PKN2: variants seen among roughly 807,000 people sequenced by gnomAD.
PKN2 encodes the protein protein kinase N2.
Under a neutral mutation model 119.1 loss-of-function variants are expected in PKN2, and 38 were observed. The observed-to-expected ratio is 0.32, with a 90% CI of 0.25 to 0.42. The LOEUF (loss-of-function observed/expected upper bound fraction) is 0.42, where lower values mean the gene tolerates loss of function less well. PKN2 is among the 10% of genes least tolerant of loss of function. The pLI is 1.00. For synonymous variants in PKN2, 390 were observed against 384.9 expected (o/e 1.01, Z -0.15); for missense variants, 850 against 1,165.1 (o/e 0.73, Z 3.94).
chr1:88,692,121 G>C (rs970443705), intron 1 of PKN2, among the ~76,000 whole-genome samples: 1 of 151,580 alleles, frequency 6.6e-6, no homozygotes, highest in Non-Finnish European at 1.5e-5. Flanking sequence ...TTTTGAACTT[G>C]ATTTTTCACC....
At chr1:88,713,761 A>G (rs991579576) in intron 1 of PKN2, among the ~76,000 whole-genome samples, 6 of 152,074 alleles carry the variant, frequency 3.9e-5, no homozygotes, top group African/African-American at 1.2e-4. Context: ...TTCTTTTGCT[A>G]TGCAGAAGCT....
chr1:88,750,665 A>G (rs951600817), intron 2 of PKN2, among the ~76,000 whole-genome samples: 1 of 152,042 alleles, frequency 6.6e-6, no homozygotes, highest in African/African-American at 2.4e-5. Flanking sequence ...GCCTCTTATC[A>G]TGTCTAAAAT....
intron 8 of PKN2, among the ~76,000 whole-genome samples, chr1:88,795,501 CAT>C (rs1278120963): frequency 1.3e-5 from 2 of 152,148 alleles, no homozygotes; most frequent in African/African-American, 4.8e-5. Flanking sequence ...CTCACCCTCC[CAT>C]ATGTTAAACT....
At chr1:88,751,377 T>TACACACACACACACAC (rs34210018) in intron 2 of PKN2, among the ~76,000 whole-genome samples, 1 of 146,580 alleles carries the variant, frequency 6.8e-6, no homozygotes, top group Non-Finnish European at 1.5e-5. Context: ...TATTTACACA[T>TACACACACACACACAC]ACACACACAC....
chr1:88,833,324 G>A lies in PKN2; in HGVS notation c.2831G>A (p.Ser944Asn). The A allele has an allele frequency of 1.2e-6, 2 of 1,613,440 alleles. No homozygotes were observed. The highest frequency in any genetic ancestry group is 1.7e-6 in the Non-Finnish European group (2 of 1,179,478). The change falls in exon 22 of 22, where the codon AGT (serine) becomes AAT (asparagine). Residue 944 changes from serine (S) to asparagine (N), a missense_variant. Ser to Asn is a conservative substitution (Grantham distance 46). Coordinates refer to ENST00000370521, the MANE Select transcript of PKN2 (RefSeq NM_006256.4). ...IPTIRGREDV[S>N]NFDDEFTSEA... The stretch of plus-strand genomic sequence containing the variant: ...ACCATAAGAGGACGAGAAGATGTTA[G>A]TAATTTTGATGATGAATTTACCTCA...
chr1:88,706,529 G>A (rs68065941), intron 1 of PKN2, among the ~76,000 whole-genome samples: 8,660 of 152,170 alleles, frequency 0.057, 475 homozygotes, highest in African/African-American at 0.14. Flanking sequence ...GAAGTGGTAA[G>A]AGTAGCCATC....
At chr1:88,736,887 T>C (rs981941044) in intron 1 of PKN2, among the ~76,000 whole-genome samples, 2 of 152,180 alleles carry the variant, frequency 1.3e-5, no homozygotes, top group African/African-American at 4.8e-5. Context: ...CTGGCCCAGA[T>C]TGACTAGGGG....
At chr1:88,729,144 T>C (rs984438213) in intron 1 of PKN2, among the ~76,000 whole-genome samples, 1 of 152,202 alleles carries the variant, frequency 6.6e-6, no homozygotes, top group African/African-American at 2.4e-5. Context: ...TCTGCCCGCC[T>C]CGTCCTCCCA....
chr1:88,773,211 T>A (rs1669961750), intron 6 of PKN2, among the ~76,000 whole-genome samples: 1 of 151,772 alleles, frequency 6.6e-6, no homozygotes, highest in Non-Finnish European at 1.5e-5. Context: ...TTTTATAAGA[T>A]CCATTCTGTC....
At chr1:88,684,913 G>T (rs1666016797) in intron 1 of PKN2, 2 of 364,666 alleles carry the variant, frequency 5.5e-6, no homozygotes, top group South Asian at 7.9e-5. Flanking sequence ...GCCTGCTCTC[G>T]CCTGGTCCCC....
chr1:88,756,384 C>T (rs543543985), intron 2 of PKN2, among the ~76,000 whole-genome samples: 1 of 152,124 alleles, frequency 6.6e-6, no homozygotes, highest in Non-Finnish European at 1.5e-5. Context: ...AATTTTTGCC[C>T]TACCTACCTT....
At chr1:88,705,241 A>G (rs1666929333) in intron 1 of PKN2, among the ~76,000 whole-genome samples, 1 of 151,992 alleles carries the variant, frequency 6.6e-6, no homozygotes, top group Non-Finnish European at 1.5e-5. Flanking sequence ...TTGGTATCCA[A>G]GATAAAGCTA....
At chr1:88,798,076 C>T (rs12143894) in intron 8 of PKN2, among the ~76,000 whole-genome samples, 3 of 151,530 alleles carry the variant, frequency 2.0e-5, no homozygotes, top group Admixed American at 2.0e-4. Context: ...ATAAAGGACC[C>T]TAAGGCCTGG....
At position 88,818,647 on chromosome 1, in the gene PKN2, C is replaced by CAA. The variant is rs199849657; in HGVS notation, c.2280-3279_2280-3278dup. 2.7e-3 allele frequency among the ~76,000 whole-genome samples: 220 copies of CAA among 81,746 alleles called. 4 individuals are homozygous for CAA. In the Admixed American group the frequency reaches 0.027, roughly 10 times the overall value. 53.6% of individuals were successfully genotyped at this position (81,746 alleles called of 152,430 possible). On this transcript the variant is annotated intron_variant, in intron 16 of 21. Transcript: ENST00000370521. ...TGGGCAACAGAGTGAGACTCCTTCT[C>CAA]AAAAAAAAAAAAAAAAGAAAAAGAA...
chr1:88,788,721 A>G (rs1405587555), intron 8 of PKN2, among the ~76,000 whole-genome samples: 1 of 151,994 alleles, frequency 6.6e-6, no homozygotes, highest in Non-Finnish European at 1.5e-5. Context: ...CTGGGATTAC[A>G]CTCCTGAACC....
intron 1 of PKN2, among the ~76,000 whole-genome samples, chr1:88,726,829 C>T (rs1300625813): frequency 6.6e-6 from 1 of 151,572 alleles, no homozygotes; most frequent in Non-Finnish European, 1.5e-5. Flanking sequence ...GCTTATGTTT[C>T]TTCACATTTC....
intron 1 of PKN2, among the ~76,000 whole-genome samples, chr1:88,736,543 T>G (rs985940590): frequency 2.0e-5 from 3 of 152,114 alleles, no homozygotes; most frequent in Admixed American, 1.3e-4. Flanking sequence ...TTTATATTTT[T>G]TAGTAGAGAC....
At chr1:88,728,877 G>A (rs1185515448) in intron 1 of PKN2, among the ~76,000 whole-genome samples, 1 of 147,664 alleles carries the variant, frequency 6.8e-6, no homozygotes, top group Non-Finnish European at 1.5e-5. Context: ...GTCCAGTGAT[G>A]TTATTAACAT....
chr1:88,729,971 C>A (rs544453322), intron 1 of PKN2, among the ~76,000 whole-genome samples: 12 of 151,966 alleles, frequency 7.9e-5, no homozygotes, highest in Admixed American at 7.9e-4. Context: ...CGAGACCATC[C>A]GGTTTACACA....
Sources: allele counts gnomAD v4.1 joint callset (sites outside exome capture counted in the v4.1 genomes callset), GRCh38; gene constraint gnomAD v4.1.1; transcripts MANE v1.5; gene names NCBI Gene and HGNC (gene_info 2026-07-23, HGNC 2026-07-21).